The following CELF2 variants were observed in gnomAD, a reference collection of about 807,000 sequenced individuals.
CELF2 encodes CUG triplet repeat RNA-binding protein 2.
CELF2 carries 8 observed loss-of-function variants against 62.6 expected under a neutral mutation model. That is an observed-to-expected ratio of 0.13 (90% confidence interval 0.07 to 0.23). CELF2 has a LOEUF of 0.23. Among genes scored for constraint, CELF2 ranks in the 10% least tolerant of loss-of-function variants. The pLI is 1.00. For synonymous variants in CELF2, 258 were observed against 250.0 expected (o/e 1.03, Z -0.30); for missense variants, 333 against 671.0 (o/e 0.50, Z 5.56).
At chr10:10,835,200 T>C (rs2058181409) in intron 1 of CELF2, among the ~76,000 whole-genome samples, 1 of 152,124 alleles carries the variant, frequency 6.6e-6, no homozygotes, top group Non-Finnish European at 1.5e-5. Context: ...TCTTACAGGA[T>C]GGAGTGTGCT....
chr10:11,222,396 C>T (rs2065123682), intron 3 of CELF2, among the ~76,000 whole-genome samples: 3 of 152,104 alleles, frequency 2.0e-5, no homozygotes, highest in Admixed American at 2.0e-4. Flanking sequence ...TGAAACCATC[C>T]CATTGGAATC....
intron 1 of CELF2, among the ~76,000 whole-genome samples, chr10:11,119,555 T>G (rs543772762): frequency 6.6e-6 from 1 of 152,248 alleles, no homozygotes; most frequent in Non-Finnish European, 1.5e-5. Context: ...CATTCAGAAA[T>G]GTCATGTTTG....
the CELF2 span, among the ~76,000 whole-genome samples, chr10:10,775,021 G>GA: frequency 6.6e-6 from 1 of 151,954 alleles, no homozygotes; most frequent in Non-Finnish European, 1.5e-5. Flanking sequence ...TGGGATCACA[G>GA]GTGTTCACCA....
chr10:10,964,462 A>C (rs2049899825), intron 2 of CELF2, among the ~76,000 whole-genome samples: 1 of 152,218 alleles, frequency 6.6e-6, no homozygotes, highest in East Asian at 1.9e-4. Flanking sequence ...TGTAACTTGA[A>C]AGAATTAATG....
In CELF2 at chr10:11,005,981, C is replaced by T. The variant is rs1393004818; in HGVS notation, c.53+541C>T. ...GTTTGGAGACCTCTTTCATGCATGG[C>T]GTCCTGGGTCCCCATGTATTGAAAG... On this transcript the variant is annotated intron_variant, in intron 1 of 12. Transcript: ENST00000416382. The surrounding 1 kb of genome is among the most constrained non-coding windows in gnomAD (Gnocchi z 4.3). 2.6e-5 allele frequency among the ~76,000 whole-genome samples: 4 copies of T among 152,162 alleles called. No homozygotes were observed. The highest frequency in any genetic ancestry group is 4.4e-5 in the Non-Finnish European group (3 of 68,038).
At chr10:11,078,476 C>T (rs2072860301) in intron 1 of CELF2, among the ~76,000 whole-genome samples, 1 of 152,068 alleles carries the variant, frequency 6.6e-6, no homozygotes, top group South Asian at 2.1e-4. Flanking sequence ...ATGTATTTTT[C>T]CTTGGCCTCA....
At chr10:11,026,076 A>ACT (rs35318107) in intron 1 of CELF2, among the ~76,000 whole-genome samples, 112,575 of 152,058 alleles carry the variant, frequency 0.74, 45,196 homozygotes, top group East Asian at 0.9. Context: ...AGAAAAACAG[A>ACT]CTTCACAGAG....
chr10:10,694,348 C>G, the CELF2 span, among the ~76,000 whole-genome samples: 6 of 150,708 alleles, frequency 4.0e-5, no homozygotes, highest in Non-Finnish European at 8.9e-5. Flanking sequence ...ATCCTGAGTT[C>G]TAGTTTGATT....
rs1455272725 is a variant in CELF2, at chr10:11,333,971, T to TGATTGATTGATTGATAGAAAGAA, written c.*4919_*4941dup. On this transcript the variant is annotated 3_prime_UTR_variant, in exon 13 of 13. Transcript: ENST00000633077. The stretch of plus-strand genomic sequence containing the variant: ...ATTTCAAGTTTGATTTCGGGTTGAT[T>TGATTGATTGATTGATAGAAAGAA]GATTGATTGATTGATAGAAAGAAAG... 2 of 152,058 alleles carry TGATTGATTGATTGATAGAAAGAA rather than the reference T, an allele frequency of 1.3e-5. No homozygotes were observed. The highest frequency in any genetic ancestry group is 2.9e-5 in the Non-Finnish European group (2 of 68,016). 9.4% of individuals were successfully genotyped at this position (152,058 alleles called of 1,614,324 possible).
At position 11,311,937 on chromosome 10, in the gene CELF2, C is replaced by G. The variant is rs1256861205; in HGVS notation, c.977-2202C>G. Among the ~76,000 whole-genome samples the G allele has an allele frequency of 6.6e-6, 1 of 152,172 alleles. No individual in the cohort carries two copies. Among genetic ancestry groups the G allele is most frequent in the African/African-American group, 2.4e-5 (1 of 41,450 alleles). Reference sequence around the variant, plus strand: ...GATAAAAGGTAGAAACAAAAATCCACATATTCAGGGATCCAGATGAATTCC... The same window carrying G: ...GATAAAAGGTAGAAACAAAAATCCAGATATTCAGGGATCCAGATGAATTCC... On this transcript the variant is annotated intron_variant, in intron 9 of 12. Coordinates refer to ENST00000633077, the MANE Select transcript of CELF2 (RefSeq NM_001326342.2). This position sits in a 1 kb window ranked among gnomAD's most constrained non-coding sequence, Gnocchi z 4.7.
chr10:10,851,835 T>C (rs1397820859), intron 1 of CELF2, among the ~76,000 whole-genome samples: 4 of 152,078 alleles, frequency 2.6e-5, no homozygotes, highest in African/African-American at 9.7e-5. Flanking sequence ...AGATGACCAA[T>C]AAGCATATAA....
intron 1 of CELF2, among the ~76,000 whole-genome samples, chr10:11,070,176 A>G (rs762161546): frequency 6.6e-6 from 1 of 152,162 alleles, no homozygotes; most frequent in Non-Finnish European, 1.5e-5. Context: ...CTTCGTATAC[A>G]GTGGGTTTAG....
Position 10,993,287 on chromosome 10 carries a change from C to CAT in CELF2, c.89+73289_89+73290dup, listed in dbSNP as rs2053620287. Among the ~76,000 whole-genome samples, 1 of 152,080 alleles carries CAT rather than the reference C, an allele frequency of 6.6e-6. No individual in the cohort carries two copies. The highest frequency in any genetic ancestry group is 1.5e-5 in the Non-Finnish European group (1 of 68,016). On this transcript the variant is annotated intron_variant, in intron 2 of 13. Coordinates refer to the CELF2 transcript ENST00000636488. This position sits in a 1 kb window ranked among gnomAD's most constrained non-coding sequence, Gnocchi z 5.3. Reference sequence around the variant, plus strand: ...AATGTAGTTTGGCCTGGCCAAACTACATTTGACTCATTACAAAGGCTTTGA... The same window carrying CAT: ...AATGTAGTTTGGCCTGGCCAAACTACATATTTGACTCATTACAAAGGCTTTGA...
At chr10:10,724,150 CTTTTA>C in the CELF2 span, among the ~76,000 whole-genome samples, 41 of 152,276 alleles carry the variant, frequency 2.7e-4, no homozygotes, top group African/African-American at 7.5e-4. Flanking sequence ...AAATTTCATT[CTTTTA>C]TTTTAAGTGA....
chr10:11,004,422 C>CAT (rs1554766745), upstream of CELF2, among the ~76,000 whole-genome samples: 5 of 148,492 alleles, frequency 3.4e-5, no homozygotes, highest in African/African-American at 1.2e-4. This position sits in a 1 kb window ranked among gnomAD's most constrained non-coding sequence, Gnocchi z 5.0. Context: ...TGTGCGCGCG[C>CAT]GTGTGTGTGT....
intron 1 of CELF2, among the ~76,000 whole-genome samples, chr10:10,810,502 G>A (rs1205964825): frequency 1.3e-5 from 2 of 152,156 alleles, no homozygotes; most frequent in Non-Finnish European, 2.9e-5. Context: ...CCCAATGGGG[G>A]CAGCTGGCCT....
At chr10:11,052,768 C>T (rs2064213967) in intron 1 of CELF2, among the ~76,000 whole-genome samples, 1 of 152,010 alleles carries the variant, frequency 6.6e-6, no homozygotes, top group Non-Finnish European at 1.5e-5. Flanking sequence ...GTAGATGGCC[C>T]CATTATTATG....
chr10:10,991,312 A>G (rs1335220798), intron 2 of CELF2, among the ~76,000 whole-genome samples: 1 of 152,216 alleles, frequency 6.6e-6, no homozygotes, highest in Admixed American at 6.5e-5. Flanking sequence ...TGAATTTGGC[A>G]TCCTTCAAGC....
At chr10:11,200,952 C>T (rs1312980594) in intron 2 of CELF2, among the ~76,000 whole-genome samples, 1 of 152,202 alleles carries the variant, frequency 6.6e-6, no homozygotes. Context: ...ATATTCCTCT[C>T]TCAAACGGGT....
Sources: gnomAD v4.1 joint callset for allele counts (sites outside exome capture counted in the v4.1 genomes callset) on GRCh38, gnomAD v4.1.1 for gene constraint, Gnocchi (gnomAD v3.1) non-coding constraint, MANE v1.5 for transcripts, NCBI Gene and HGNC (gene_info 2026-07-23, HGNC 2026-07-21) for gene names.